Variants in LIPI observed in about 807,000 individuals in gnomAD.
LIPI encodes lipase member I.
Under a neutral mutation model 50.6 loss-of-function variants are expected in LIPI, and 59 were observed. The ratio of observed to expected loss-of-function variants is 1.16; its 90% CI spans 0.94 to 1.45. The LOEUF (loss-of-function observed/expected upper bound fraction) is 1.45, where lower values mean the gene tolerates loss of function less well. Among genes scored for constraint, LIPI ranks in the 40% most tolerant of loss-of-function variants. LIPI has a pLI of 0.00. For missense variants in LIPI, 586 were observed against 536.3 expected (o/e 1.09, Z -0.92); for synonymous variants, 203 against 178.2 (o/e 1.14, Z -1.11).
chr21:14,146,512 G>A (rs926351040), intron 8 of LIPI, among the ~76,000 whole-genome samples: 2 of 151,942 alleles, frequency 1.3e-5, no homozygotes, highest in African/African-American at 4.8e-5. Flanking sequence ...TCAAACCCAG[G>A]GCACCATTGT....
chr21:14,128,890 TGGGTG>T (rs2017174004), intron 9 of LIPI, among the ~76,000 whole-genome samples: 1 of 152,082 alleles, frequency 6.6e-6, no homozygotes, highest in African/African-American at 2.4e-5. Flanking sequence ...AACAACGCCC[TGGGTG>T]AGAGTATTGA....
At chr21:14,122,972 C>A (rs1218887206) in intron 9 of LIPI, among the ~76,000 whole-genome samples, 1 of 152,188 alleles carries the variant, frequency 6.6e-6, no homozygotes, top group Non-Finnish European at 1.5e-5. Flanking sequence ...CAGCCAAGAA[C>A]CTATTTACTC....
At chr21:14,164,540 T>A (rs1402178229) in intron 6 of LIPI, among the ~76,000 whole-genome samples, 1 of 152,162 alleles carries the variant, frequency 6.6e-6, no homozygotes, top group East Asian at 1.9e-4. Context: ...TTTGGAAACA[T>A]CTCTGGGGAA....
At position 14,181,801 on chromosome 21, in the gene LIPI, G is replaced by A. The variant is rs1457985770; in HGVS notation, c.600C>T (p.Tyr200=). Residue 200 remains tyrosine (Y), a synonymous_variant, in exon 4 of 10, where the codon TAC becomes TAT. Transcript: ENST00000681601. ...SRKPPYSRLD[Y]TDAKFVDVIH... ...TGACATCCACAAACTTTGCATCCGT[G>A]TAATCTAATCTGCTATATGGTGGTT... 3 of 1,612,320 alleles carry A rather than the reference G, an allele frequency of 1.9e-6. No homozygotes were observed. The highest frequency in any genetic ancestry group is 2.5e-6 in the Non-Finnish European group (3 of 1,178,804).
At chr21:14,173,151 C>T (rs929518036) in intron 4 of LIPI, among the ~76,000 whole-genome samples, 6 of 152,066 alleles carry the variant, frequency 3.9e-5, no homozygotes, top group African/African-American at 1.4e-4. Flanking sequence ...GATATTTGTG[C>T]GAATACGCTC....
chr21:14,173,459 C>T (rs559171293), intron 4 of LIPI, among the ~76,000 whole-genome samples: 11 of 152,234 alleles, frequency 7.2e-5, no homozygotes, highest in Non-Finnish European at 1.6e-4. Context: ...AGCCCATTAC[C>T]GGCATATAAC....
chr21:14,186,440 C>G (rs78236628), intron 2 of LIPI, among the ~76,000 whole-genome samples: 9 of 152,218 alleles, frequency 5.9e-5, no homozygotes, highest in South Asian at 2.1e-4. Flanking sequence ...CTTCCAATTT[C>G]GTTATGAGTT....
chr21:14,154,633 T>C (rs992482352), intron 7 of LIPI, among the ~76,000 whole-genome samples: 1 of 152,016 alleles, frequency 6.6e-6, no homozygotes, highest in Non-Finnish European at 1.5e-5. Context: ...AGAATAAAGA[T>C]TCTAAGGCTC....
intron 8 of LIPI, among the ~76,000 whole-genome samples, chr21:14,146,937 C>G (rs1024347659): frequency 6.6e-6 from 1 of 151,964 alleles, no homozygotes; most frequent in Non-Finnish European, 1.5e-5. Context: ...CGCCACCACA[C>G]CCAGCTAATT....
rs747628445 is a variant in LIPI, at chr21:14,152,764, G to C, written c.1007-80C>G. On this transcript the variant is annotated intron_variant, in intron 7 of 9. Transcript: ENST00000681601. ...GGTACATATTCAGATATATATATATGTGTATGTATAGATAGATATGTAATC... is the reference window on the plus strand; with the variant it reads ...GGTACATATTCAGATATATATATATCTGTATGTATAGATAGATATGTAATC... 687 of 675,366 alleles carry C rather than the reference G, an allele frequency of 1.0e-3. 6 individuals carry two copies. Among genetic ancestry groups the C allele is most frequent in the Middle Eastern group, 8.1e-4 (2 of 2,478 alleles). The allele number at this position is 675,366 out of a possible 1,614,324, so 41.8% of individuals were successfully genotyped here.
chr21:14,130,974 G>A lies in LIPI; in HGVS notation c.1295+13649C>T, dbSNP rs146714915. Reference sequence around the variant, plus strand: ...TTGTTGTTTTGTTTCGTTTTGAGACGGAGTCTTGCTCTGTCAACCAGGCTG... The same window carrying A: ...TTGTTGTTTTGTTTCGTTTTGAGACAGAGTCTTGCTCTGTCAACCAGGCTG... On this transcript the variant is annotated intron_variant, in intron 9 of 9. Transcript: ENST00000681601. 5.6e-3 allele frequency among the ~76,000 whole-genome samples: 853 copies of A among 152,124 alleles called. 5 individuals carry two copies. The highest frequency in any genetic ancestry group is 0.019 in the African/African-American group (798 of 41,490).
At chr21:14,114,592 C>T (rs923704922) in intron 9 of LIPI, among the ~76,000 whole-genome samples, 1 of 152,158 alleles carries the variant, frequency 6.6e-6, no homozygotes, top group African/African-American at 2.4e-5. Flanking sequence ...GAGAGTATCC[C>T]CGAAACTTCA....
intron 9 of LIPI, chr21:14,144,382 G>GTGTC (rs1257547954): frequency 6.1e-6 from 2 of 329,102 alleles, no homozygotes; most frequent in Admixed American, 8.9e-5. Flanking sequence ...TATCTTTATT[G>GTGTC]TGTCTGTGAA....
intron 4 of LIPI, among the ~76,000 whole-genome samples, chr21:14,172,537 T>TA (rs1467758276): frequency 6.6e-6 from 1 of 151,490 alleles, no homozygotes; most frequent in East Asian, 1.9e-4. Flanking sequence ...TATGCAGCCA[T>TA]AAAAAATGAT....
rs1460412752 is a variant in LIPI, at chr21:14,168,508, C to T, written c.644-2057G>A. Among the ~76,000 whole-genome samples, 9 of 152,166 alleles carry T rather than the reference C, an allele frequency of 5.9e-5. No homozygotes were observed. In the East Asian group the frequency reaches 1.3e-3, roughly 23 times the overall value. On this transcript the variant is annotated intron_variant, in intron 4 of 9. Coordinates refer to ENST00000681601, the MANE Select transcript of LIPI (RefSeq NM_001302998.2). ...AAAGGGAAGCCCATCAGACTAACAGCGGATCTCTCGGCAGAAACTCTACAA... is the reference window on the plus strand; with the variant it reads ...AAAGGGAAGCCCATCAGACTAACAGTGGATCTCTCGGCAGAAACTCTACAA...
intron 9 of LIPI, among the ~76,000 whole-genome samples, chr21:14,129,639 C>T (rs1158980866): frequency 6.6e-6 from 1 of 151,048 alleles, no homozygotes; most frequent in African/African-American, 2.4e-5. Flanking sequence ...TTAATAAAAA[C>T]AGTTTGATGT....
At chr21:14,204,432 A>C (rs1216092955) in intron 1 of LIPI, among the ~76,000 whole-genome samples, 1 of 152,058 alleles carries the variant, frequency 6.6e-6, no homozygotes, top group East Asian at 1.9e-4. Flanking sequence ...ATTGAATATA[A>C]GCATTAATAT....
chr21:14,153,218 G>A (rs2018159477), intron 7 of LIPI, among the ~76,000 whole-genome samples: 1 of 152,106 alleles, frequency 6.6e-6, no homozygotes, highest in African/African-American at 2.4e-5. Flanking sequence ...ATCTTGCACA[G>A]GAAAGGATGC....
At chr21:14,148,555 C>T (rs1225654552) in intron 8 of LIPI, among the ~76,000 whole-genome samples, 1 of 152,038 alleles carries the variant, frequency 6.6e-6, no homozygotes, top group Non-Finnish European at 1.5e-5. Flanking sequence ...AAATATTTAC[C>T]ATTGTGTTAC....
Sources: allele counts gnomAD v4.1 joint callset (sites outside exome capture counted in the v4.1 genomes callset), GRCh38; gene constraint gnomAD v4.1.1; transcripts MANE v1.5; gene names NCBI Gene and HGNC (gene_info 2026-07-23, HGNC 2026-07-21).